TSPEAR: variants seen among roughly 807,000 people sequenced by gnomAD.
The protein encoded by TSPEAR is thrombospondin-type laminin G domain and EAR repeat-containing protein.
TSPEAR carries 69 observed loss-of-function variants against 71.6 expected under a neutral mutation model. The ratio of observed to expected loss-of-function variants is 0.96; its 90% CI spans 0.79 to 1.18. The LOEUF (loss-of-function observed/expected upper bound fraction) is 1.18, where lower values mean the gene tolerates loss of function less well. Ranked by LOEUF, TSPEAR falls within the 50% of genes most tolerant of loss-of-function variation. The pLI, the probability that TSPEAR is intolerant of heterozygous loss-of-function variation, is 0.00. For synonymous variants in TSPEAR, 402 were observed against 387.2 expected (o/e 1.04, Z -0.45); for missense variants, 971 against 894.9 (o/e 1.09, Z -1.09).
At chr21:44,567,736 A>G (rs2053721172) in intron 2 of TSPEAR, 49 bp downstream of exon 2, 3 of 1,488,028 alleles carry the variant, frequency 2.0e-6, no homozygotes, top group Admixed American at 4.2e-5. Context: ...GGAACCTCAC[A>G]AGGGAAAATT....
chr21:44,542,742 TA>T lies in TSPEAR; in HGVS notation c.304-8820del, dbSNP rs11404148. Reference sequence around the variant, plus strand: ...ACCTGGGCAACAGAAAGAGACCTGTTAAAAAAAAAAAAAAAAGAAAAAGAAA... The same window carrying T: ...ACCTGGGCAACAGAAAGAGACCTGTTAAAAAAAAAAAAAAAGAAAAAGAAA... On this transcript the variant is annotated intron_variant, in intron 2 of 11. Coordinates refer to ENST00000323084, the MANE Select transcript of TSPEAR (RefSeq NM_144991.3). 1.2e-3 allele frequency among the ~76,000 whole-genome samples: 139 copies of T among 120,014 alleles called. 3 individuals are homozygous for T. The highest frequency in any genetic ancestry group is 4.2e-3 in the African/African-American group (130 of 30,938). The allele number at this position is 120,014 out of a possible 152,430, so 78.7% of individuals were successfully genotyped here.
chr21:44,598,548 C>T (rs1432124643), intron 1 of TSPEAR, among the ~76,000 whole-genome samples: 9 of 152,202 alleles, frequency 5.9e-5, no homozygotes, highest in African/African-American at 2.2e-4. Context: ...TTTACTATCT[C>T]TTCCGTGGTC....
chr21:44,569,677 T>C (rs2053762456), intron 1 of TSPEAR, among the ~76,000 whole-genome samples: 1 of 151,944 alleles, frequency 6.6e-6, no homozygotes, highest in Non-Finnish European at 1.5e-5. Flanking sequence ...AAAGGTAGAG[T>C]GTGAGGAGGC....
intron 2 of TSPEAR, among the ~76,000 whole-genome samples, chr21:44,544,734 G>A (rs1482296714): frequency 2.6e-5 from 4 of 152,168 alleles, no homozygotes; most frequent in Non-Finnish European, 5.9e-5. Flanking sequence ...TGATGGCCTG[G>A]TGGGGGAGGA....
At chr21:44,619,342 C>T (rs1982305278) in intron 1 of TSPEAR, among the ~76,000 whole-genome samples, 1 of 152,178 alleles carries the variant, frequency 6.6e-6, no homozygotes, top group Non-Finnish European at 1.5e-5. Context: ...AACCACAATC[C>T]ACAACAATCA....
At chr21:44,637,391 C>T (rs782627294) in intron 1 of TSPEAR, 2 of 1,586,824 alleles carry the variant, frequency 1.3e-6, no homozygotes, top group Non-Finnish European at 1.7e-6. Flanking sequence ...ACACACCTCC[C>T]CCAGCTCACC....
At chr21:44,647,380 A>G (rs1555940423) in intron 1 of TSPEAR, 1 of 1,605,628 alleles carries the variant, frequency 6.2e-7, no homozygotes, top group Admixed American at 1.7e-5. Context: ...TCTCCTGCTG[A>G]CTGTGTCTTT....
At chr21:44,508,395 G>A (rs1442945691) in intron 10 of TSPEAR, 12 of 799,966 alleles carry the variant, frequency 1.5e-5, no homozygotes, top group Non-Finnish European at 1.9e-5. Context: ...AAATAGGAGT[G>A]CATGAAACCC....
chr21:44,663,266 G>A (rs1022600184), intron 1 of TSPEAR, among the ~76,000 whole-genome samples: 2 of 151,972 alleles, frequency 1.3e-5, no homozygotes, highest in Admixed American at 6.5e-5. Context: ...TATTAGGAGT[G>A]AAGAAGAGAC....
intron 1 of TSPEAR, chr21:44,579,914 G>A (rs781801318): frequency 6.2e-7 from 1 of 1,614,018 alleles, no homozygotes; most frequent in African/African-American, 1.3e-5. Context: ...GCAGAGGAGG[G>A]ACACGGAGGA....
Position 44,550,666 on chromosome 21 carries a change from C to T in TSPEAR, c.304-16743G>A, listed in dbSNP as rs781863618. 84 of 1,609,986 alleles carry T rather than the reference C, an allele frequency of 5.2e-5. No individual in the cohort carries two copies. In the Admixed American group the frequency reaches 9.2e-4, roughly 18 times the overall value. ...CTGGCAGGGAGGTGGGGCCTGAGCCCGGCTGGCCCTGGGGGACATGGCCAT... is the reference window on the plus strand; with the variant it reads ...CTGGCAGGGAGGTGGGGCCTGAGCCTGGCTGGCCCTGGGGGACATGGCCAT... On this transcript the variant is annotated intron_variant, in intron 2 of 11. Transcript: ENST00000323084.
chr21:44,639,626 T>C (rs1247691981), intron 1 of TSPEAR, among the ~76,000 whole-genome samples: 2 of 152,178 alleles, frequency 1.3e-5, no homozygotes, highest in African/African-American at 4.8e-5. Flanking sequence ...CCCCGGTTTT[T>C]GGGGCAGCTG....
intron 2 of TSPEAR, among the ~76,000 whole-genome samples, chr21:44,540,674 G>A (rs1423298484): frequency 6.6e-6 from 1 of 152,224 alleles, no homozygotes; most frequent in African/African-American, 2.4e-5. Context: ...AGGTGCAGCA[G>A]TGGCCAGCGA....
intron 1 of TSPEAR, among the ~76,000 whole-genome samples, chr21:44,652,156 T>G (rs587740549): frequency 1.1e-4 from 16 of 152,268 alleles, no homozygotes; most frequent in East Asian, 7.7e-4. Flanking sequence ...GCTAATTTTT[T>G]GTATTTTTAG....
intron 1 of TSPEAR, among the ~76,000 whole-genome samples, chr21:44,584,350 T>C (rs1411634589): frequency 6.6e-6 from 1 of 152,228 alleles, no homozygotes; most frequent in Non-Finnish European, 1.5e-5. Flanking sequence ...TGGGCACTTA[T>C]GTTGCTTCCA....
At chr21:44,504,364 A>G (rs1375470050) in intron 11 of TSPEAR, among the ~76,000 whole-genome samples, 2 of 101,190 alleles carry the variant, frequency 2.0e-5, no homozygotes, top group Admixed American at 1.2e-4. Flanking sequence ...CCCTCGGGGG[A>G]AGCAAGTCTC....
rs563795656 is a variant in TSPEAR at position 44,687,094 on chromosome 21, G to A, written c.82+24339C>T. On this transcript the variant is annotated intron_variant, in intron 1 of 11. Transcript: ENST00000323084. This position sits in a 1 kb window ranked among gnomAD's most constrained non-coding sequence, Gnocchi z 4.4. ...GAGCCTGGAAACCAAGCCACAGGACGAAGGGCTGCGGGAAGAAGGAGGCTG... is the reference window on the plus strand; with the variant it reads ...GAGCCTGGAAACCAAGCCACAGGACAAAGGGCTGCGGGAAGAAGGAGGCTG... 1.1e-4 allele frequency among the ~76,000 whole-genome samples: 17 copies of A among 152,312 alleles called. No homozygotes were observed. The highest frequency in any genetic ancestry group is 6.5e-4 in the Admixed American group (10 of 15,302).
chr21:44,582,980 A>G lies in TSPEAR; in HGVS notation c.83-14975T>C, dbSNP rs587651849. ...TGGGATTACAGGTGTGCACCACCAC[A>G]TCCAGCTATTTTTCTTTCTTTCTTT... On this transcript the variant is annotated intron_variant, in intron 1 of 11. Transcript: ENST00000323084. 3.4e-4 allele frequency among the ~76,000 whole-genome samples: 49 copies of G among 142,964 alleles called. No homozygotes were observed. In the South Asian group the frequency reaches 6.4e-3, roughly 19 times the overall value. 93.8% of individuals were successfully genotyped at this position (142,964 alleles called of 152,430 possible). A position where few individuals can be genotyped will look rare whatever the true frequency, so the allele number is the denominator to read the frequency against.
At chr21:44,663,367 G>A (rs1455340540) in intron 1 of TSPEAR, among the ~76,000 whole-genome samples, 2 of 151,990 alleles carry the variant, frequency 1.3e-5, no homozygotes, top group African/African-American at 4.8e-5. Context: ...ACATAAAACT[G>A]GCACATTTTT....
Sources: allele counts gnomAD v4.1 joint callset (sites outside exome capture counted in the v4.1 genomes callset), GRCh38; gene constraint gnomAD v4.1.1; non-coding constraint Gnocchi (gnomAD v3.1); transcripts MANE v1.5; gene names NCBI Gene and HGNC (gene_info 2026-07-23, HGNC 2026-07-21).